Variants in STYXL2 observed in about 807,000 individuals in gnomAD.
The protein encoded by STYXL2 is serine/threonine/tyrosine-interacting-like protein 2.
STYXL2 carries 44 observed loss-of-function variants against 52.4 expected under a neutral mutation model. The ratio of observed to expected loss-of-function variants is 0.84; its 90% CI spans 0.66 to 1.08. The LOEUF is 1.08. STYXL2 is among the 50% of genes least tolerant of loss of function. The pLI is 0.00. For missense variants in STYXL2, 1,604 were observed against 1,471.7 expected (o/e 1.09, Z -1.47); for synonymous variants, 604 against 586.9 (o/e 1.03, Z -0.42).
chr1:167,126,326 C>G lies in STYXL2; in HGVS notation c.1195C>G (p.Arg399Gly). Residue 399 changes from arginine (R) to glycine (G), a missense_variant, in exon 6 of 6, where the codon CGA (arginine) becomes GGA (glycine). Transcript: ENST00000361200. ...VERIIQEWQSRNERYQAEGYR... is the reference protein window; with the variant it reads ...VERIIQEWQSGNERYQAEGYR... ...GAGGATCATCCAGGAGTGGCAGAGC[C>G]GAAACGAGAGGTACCAAGCAGAAGG... 1 of 1,519,610 alleles carries G rather than the reference C, an allele frequency of 6.6e-7. No individual in the cohort carries two copies. Among genetic ancestry groups the G allele is most frequent in the Non-Finnish European group, 8.8e-7 (1 of 1,130,958 alleles). 94.1% of individuals were successfully genotyped at this position (1,519,610 alleles called of 1,614,324 possible).
At chr1:167,112,431 A>G (rs1667638858) in intron 2 of STYXL2, among the ~76,000 whole-genome samples, 1 of 152,218 alleles carries the variant, frequency 6.6e-6, no homozygotes, top group Non-Finnish European at 1.5e-5. Flanking sequence ...AACTTGTCTC[A>G]GCTCAAGTTA....
chr1:167,103,670 A>T (rs1667447040), intron 2 of STYXL2, among the ~76,000 whole-genome samples: 1 of 152,188 alleles, frequency 6.6e-6, no homozygotes, highest in Non-Finnish European at 1.5e-5. Context: ...GCGGTTAGAG[A>T]TTCATCCATC....
intron 2 of STYXL2, among the ~76,000 whole-genome samples, chr1:167,100,346 A>G (rs1293256817): frequency 6.6e-6 from 1 of 152,220 alleles, no homozygotes; most frequent in Non-Finnish European, 1.5e-5. Flanking sequence ...TTTGGTGAGG[A>G]CAAACCATAG....
intron 5 of STYXL2, among the ~76,000 whole-genome samples, chr1:167,123,875 C>A (rs537056496): frequency 6.6e-6 from 1 of 152,134 alleles, no homozygotes; most frequent in Non-Finnish European, 1.5e-5. Context: ...CCACCCACCT[C>A]GGCCTCCCAA....
intron 5 of STYXL2, among the ~76,000 whole-genome samples, chr1:167,123,630 T>A (rs1405822353): frequency 1.3e-5 from 2 of 152,344 alleles, no homozygotes; most frequent in East Asian, 3.9e-4. Context: ...TGTTTTTCTT[T>A]TTCTTTTTTA....
At position 167,094,110 on chromosome 1, in the gene STYXL2, C is replaced by CCTGT. The variant is rs1667227245; in HGVS notation, c.-98_-95dup. On this transcript the variant is annotated 5_prime_UTR_variant, in exon 1 of 6. Transcript: ENST00000361200. ...GCCCTGAGGAAGGAGGTGGCTGGTT[C>CCTGT]CTGTCTCACTGGCCGGAGCTTCAGC... 1 of 152,738 alleles carries CCTGT rather than the reference C, an allele frequency of 6.5e-6. No individual in the cohort carries two copies. The highest frequency in any genetic ancestry group is 2.4e-5 in the African/African-American group (1 of 41,472). The allele number at this position is 152,738 out of a possible 1,614,324, so 9.5% of individuals were successfully genotyped here. A position where few individuals can be genotyped will look rare whatever the true frequency, so the allele number is the denominator to read the frequency against.
At chr1:167,096,248 A>G (rs1343746514) in intron 2 of STYXL2, among the ~76,000 whole-genome samples, 2 of 151,674 alleles carry the variant, frequency 1.3e-5, no homozygotes. Flanking sequence ...ACAGAGCGAG[A>G]CTCCATCTCA....
At chr1:167,112,897 C>T (rs1667647495) in intron 2 of STYXL2, among the ~76,000 whole-genome samples, 1 of 152,042 alleles carries the variant, frequency 6.6e-6, no homozygotes, top group African/African-American at 2.4e-5. Flanking sequence ...AGAAAATGAC[C>T]CAAAGCTCAT....
chr1:167,114,989 G>A (rs958290301), intron 3 of STYXL2, among the ~76,000 whole-genome samples: 1 of 152,082 alleles, frequency 6.6e-6, no homozygotes, highest in African/African-American at 2.4e-5. Context: ...TCATTCTGTG[G>A]ACCATTCTCC....
chr1:167,099,917 A>G (rs147668506), intron 2 of STYXL2, among the ~76,000 whole-genome samples: 2 of 152,382 alleles, frequency 1.3e-5, no homozygotes, highest in African/African-American at 2.4e-5. Flanking sequence ...AGAGTCTGGC[A>G]TATATATTTA....
chr1:167,108,292 T>C (rs1277911979), intron 2 of STYXL2, among the ~76,000 whole-genome samples: 1 of 152,164 alleles, frequency 6.6e-6, no homozygotes, highest in African/African-American at 2.4e-5. Flanking sequence ...GACCACCTAA[T>C]CCACCTAATC....
Position 167,118,345 on chromosome 1 carries a change from A to C in STYXL2, c.437+786A>C, listed in dbSNP as rs540695602. Among the ~76,000 whole-genome samples, 7 of 152,316 alleles carry C rather than the reference A, an allele frequency of 4.6e-5. No homozygotes were observed. The South Asian group carries it at 1.2e-3, about 27-fold the overall frequency. ...GCTGACTCATCGAATACTTAATGAG[A>C]TGTTTTCCCAGTGTAATTATCCAGA... On this transcript the variant is annotated intron_variant, in intron 4 of 5. Transcript: ENST00000361200.
intron 3 of STYXL2, among the ~76,000 whole-genome samples, chr1:167,114,342 T>C (rs1032192163): frequency 6.6e-6 from 1 of 152,196 alleles, no homozygotes; most frequent in African/African-American, 2.4e-5. Flanking sequence ...CTTATCTGGA[T>C]TAGATGAATT....
At position 167,127,114 on chromosome 1, in the gene STYXL2, G is replaced by A. The variant is rs762325833; in HGVS notation, c.1983G>A (p.Ala661=). Residue 661 remains alanine (A), a synonymous_variant, in exon 6 of 6, where the codon GCG becomes GCA. Transcript: ENST00000361200. Reference sequence around the variant, plus strand: ...CCAGCGGGAGCATTCCCCTGTCTGCGTTCTGGTCTGCAGACCCCTCAGTCA... The same window carrying A: ...CCAGCGGGAGCATTCCCCTGTCTGCATTCTGGTCTGCAGACCCCTCAGTCA... ...STASGSIPLS[A]FWSADPSVSA... is the part of the protein sequence containing the mutation. 9 of 1,613,900 alleles carry A rather than the reference G, an allele frequency of 5.6e-6. No individual in the cohort carries two copies. Among genetic ancestry groups the A allele is most frequent in the Non-Finnish European group, 5.9e-6 (7 of 1,179,934 alleles).
chr1:167,128,243 G>A lies in STYXL2; in HGVS notation c.3112G>A (p.Glu1038Lys), dbSNP rs1668019074. 6.2e-7 allele frequency: 1 copy of A among 1,614,034 alleles called. No individual in the cohort carries two copies. The highest frequency in any genetic ancestry group is 8.5e-7 in the Non-Finnish European group (1 of 1,180,032). The change falls in exon 6 of 6, where the codon GAG becomes AAG. Residue 1038 changes from glutamate (E) to lysine (K), a missense_variant. Coordinates refer to ENST00000361200, the MANE Select transcript of STYXL2 (RefSeq NM_001080426.3). ...CTCAAGTTCCCGAGAGGAGAGCCCA[G>A]AGCCCTACTTCTTCCGCCGGACCCC... ...ETSSSREESP[E>K]PYFFRRTPES...
intron 3 of STYXL2, among the ~76,000 whole-genome samples, chr1:167,115,577 G>A (rs1044416035): frequency 2.6e-5 from 4 of 152,132 alleles, no homozygotes; most frequent in African/African-American, 9.7e-5. Context: ...AGACAACACC[G>A]TGTATTTTAA....
In STYXL2 at chr1:167,128,229, G is replaced by A. The variant is rs763985272; in HGVS notation, c.3098G>A (p.Arg1033Gln). 3.6e-5 allele frequency: 58 copies of A among 1,614,182 alleles called. No individual in the cohort carries two copies. Among genetic ancestry groups the A allele is most frequent in the South Asian group, 2.5e-4 (23 of 91,082 alleles). Reference protein sequence around the residue: ...RSTYNETSSSREESPEPYFFR... With the variant: ...RSTYNETSSSQEESPEPYFFR... ...ACGTACAACGAGACCTCAAGTTCCCGAGAGGAGAGCCCAGAGCCCTACTTC... is the reference window on the plus strand; with the variant it reads ...ACGTACAACGAGACCTCAAGTTCCCAAGAGGAGAGCCCAGAGCCCTACTTC... Residue 1033 changes from arginine to glutamine, a missense_variant, in exon 6 of 6, where the codon CGA becomes CAA. Arg to Gln is a conservative substitution (Grantham distance 43). Coordinates refer to ENST00000361200, the MANE Select transcript of STYXL2 (RefSeq NM_001080426.3).
Position 167,128,195 on chromosome 1 carries a change from T to C in STYXL2, c.3064T>C (p.Ser1022Pro), listed in dbSNP as rs148333266. 94 of 1,614,174 alleles carry C rather than the reference T, an allele frequency of 5.8e-5. No homozygotes were observed. The Middle Eastern group carries it at 1.5e-3, about 25-fold the overall frequency. ...GGAGGGCAGAGAGATGCACAAGTTC[T>C]CCAGGTCCACGTACAACGAGACCTC... is the stretch of plus-strand genomic sequence containing the variant. ...TREGREMHKFSRSTYNETSSS... is the reference protein window; with the variant it reads ...TREGREMHKFPRSTYNETSSS... The change falls in exon 6 of 6, where the codon TCC becomes CCC. Residue 1022 changes from serine to proline, a missense_variant. Physicochemically the swap from Ser to Pro is moderately conservative, Grantham distance 74. Coordinates refer to ENST00000361200, the MANE Select transcript of STYXL2 (RefSeq NM_001080426.3).
At chr1:167,120,817 G>T (rs1179699932) in intron 5 of STYXL2, among the ~76,000 whole-genome samples, 1 of 111,906 alleles carries the variant, frequency 8.9e-6, no homozygotes, top group Non-Finnish European at 1.8e-5. Context: ...ATGTATGTGT[G>T]CGTGTAAATT....
Sources: gnomAD v4.1 joint callset for allele counts (sites outside exome capture counted in the v4.1 genomes callset) on GRCh38, gnomAD v4.1.1 for gene constraint, MANE v1.5 for transcripts, NCBI Gene and HGNC (gene_info 2026-07-23, HGNC 2026-07-21) for gene names.